The following TTC39C variants were observed in gnomAD, a reference collection of about 807,000 sequenced individuals.
The protein encoded by TTC39C is tetratricopeptide repeat domain 39C.
TTC39C carries 33 observed loss-of-function variants against 76.3 expected under a neutral mutation model. The ratio of observed to expected loss-of-function variants is 0.43; its 90% CI spans 0.33 to 0.58. The LOEUF is 0.58. Ranked by LOEUF, TTC39C falls within the 20% of genes least tolerant of loss-of-function variation. The pLI is 0.04. For synonymous variants in TTC39C, 254 were observed against 260.6 expected (o/e 0.97, Z 0.24); for missense variants, 595 against 701.4 (o/e 0.85, Z 1.71).
At chr18:23,995,014 C>T (rs1318643009) in intron 1 of TTC39C, among the ~76,000 whole-genome samples, 3 of 152,072 alleles carry the variant, frequency 2.0e-5, no homozygotes, top group Non-Finnish European at 2.9e-5. Context: ...CACTTTATCA[C>T]GTGTGTAGGT....
chr18:24,060,467 C>G, intron 1 of TTC39C, among the ~76,000 whole-genome samples: 1 of 151,848 alleles, frequency 6.6e-6, no homozygotes, highest in Admixed American at 6.6e-5. Context: ...ATAGGCATGC[C>G]CAGCTAATTT....
chr18:24,091,949 CAG>C lies in TTC39C; in HGVS notation c.984+8869_984+8870del, dbSNP rs1453225131. Reference sequence around the variant, plus strand: ...CTAAAAAAAAATGCAAAAAATTAGCCAGGTGTGGTAGCGGGCGCCTGTAGTCC... The same window carrying C: ...CTAAAAAAAAATGCAAAAAATTAGCCGTGTGGTAGCGGGCGCCTGTAGTCC... On this transcript the variant is annotated intron_variant, in intron 6 of 13. Coordinates refer to ENST00000317571, the MANE Select transcript of TTC39C (RefSeq NM_001135993.2). Among the ~76,000 whole-genome samples the C allele has an allele frequency of 3.5e-3, 536 of 151,514 alleles. 7 individuals carry two copies. Among genetic ancestry groups the C allele is most frequent in the African/African-American group, 0.012 (496 of 41,354 alleles).
intron 1 of TTC39C, among the ~76,000 whole-genome samples, chr18:24,007,828 CTT>C: frequency 6.6e-6 from 1 of 152,250 alleles, no homozygotes; most frequent in Admixed American, 6.5e-5. Flanking sequence ...ATTGCACAGA[CTT>C]TATTTTAGCT....
At chr18:24,012,169 C>CCCATTTTAAA (rs77518920), upstream of TTC39C, among the ~76,000 whole-genome samples, 455 of 151,778 alleles carry the variant, frequency 3.0e-3, 1 homozygote, top group South Asian at 7.3e-3. Context: ...GATTTGGAGG[C>CCCATTTTAAA]TCTTTTTGTA....
chr18:24,083,142 A>G (rs1873411553), intron 6 of TTC39C, 61 bp downstream of exon 6: 5 of 1,498,822 alleles, frequency 3.3e-6, no homozygotes, highest in African/African-American at 1.4e-5. Flanking sequence ...TCTGATTCTC[A>G]CTTGAGGACT....
intron 2 of TTC39C, 87 bp downstream of exon 2, chr18:24,064,275 A>C: frequency 6.8e-7 from 1 of 1,464,114 alleles, no homozygotes; most frequent in South Asian, 1.2e-5. Flanking sequence ...GTATAGATAC[A>C]CTATTGTAGA....
intron 1 of TTC39C, among the ~76,000 whole-genome samples, chr18:24,054,752 A>C (rs1364160900): frequency 6.6e-6 from 1 of 152,222 alleles, no homozygotes; most frequent in Non-Finnish European, 1.5e-5. Context: ...TAAAATATAC[A>C]TAACAAAATG....
intron 1 of TTC39C, among the ~76,000 whole-genome samples, chr18:24,020,698 A>G (rs1323987876): frequency 1.3e-5 from 2 of 152,226 alleles, no homozygotes; most frequent in African/African-American, 4.8e-5. Context: ...TGGTTAGGGA[A>G]TAGTGACAAG....
chr18:24,087,000 G>A (rs2084448119), intron 6 of TTC39C, among the ~76,000 whole-genome samples: 1 of 151,952 alleles, frequency 6.6e-6, no homozygotes, highest in Non-Finnish European at 1.5e-5. Flanking sequence ...TGGCAAAATT[G>A]GTTATGGGTG....
At chr18:24,121,795 C>T (rs963828979) in intron 8 of TTC39C, among the ~76,000 whole-genome samples, 1 of 152,192 alleles carries the variant, frequency 6.6e-6, no homozygotes, top group Non-Finnish European at 1.5e-5. Context: ...CATTGATTTA[C>T]TCTGTGACCT....
intron 1 of TTC39C, among the ~76,000 whole-genome samples, chr18:24,037,541 A>C (rs1312328182): frequency 1.3e-5 from 2 of 152,198 alleles, no homozygotes; most frequent in Non-Finnish European, 2.9e-5. Context: ...TGTCTGGCGT[A>C]TTGGAGAGTA....
intron 4 of TTC39C, among the ~76,000 whole-genome samples, chr18:24,071,531 A>T (rs1193616107): frequency 6.6e-6 from 1 of 152,104 alleles, no homozygotes; most frequent in East Asian, 1.9e-4. Context: ...TATTTCTCTA[A>T]TTTTTTGCAA....
chr18:24,020,215 G>C (rs748830363), intron 1 of TTC39C: 62 of 1,091,232 alleles, frequency 5.7e-5, no homozygotes, highest in Non-Finnish European at 6.5e-5. Flanking sequence ...TGGTGTGTTG[G>C]AAAAAGGCAT....
chr18:24,010,306 C>A (rs2083385259), upstream of TTC39C, among the ~76,000 whole-genome samples: 1 of 152,222 alleles, frequency 6.6e-6, no homozygotes, highest in Non-Finnish European at 1.5e-5. Flanking sequence ...CTGTGATTGG[C>A]TGAAACTCCG....
chr18:24,038,088 T>C (rs1315243464), intron 1 of TTC39C, among the ~76,000 whole-genome samples: 2 of 152,144 alleles, frequency 1.3e-5, no homozygotes, highest in African/African-American at 4.8e-5. Context: ...CAAAACCAAA[T>C]TCTGCAGAGG....
intron 6 of TTC39C, among the ~76,000 whole-genome samples, chr18:24,085,514 T>C (rs908997908): frequency 3.3e-5 from 5 of 152,212 alleles, no homozygotes; most frequent in African/African-American, 7.2e-5. Context: ...CTATAGAGGA[T>C]TGAGTGAATA....
intron 4 of TTC39C, among the ~76,000 whole-genome samples, chr18:24,071,209 G>T (rs1205856330): frequency 3.9e-5 from 6 of 152,158 alleles, no homozygotes; most frequent in Non-Finnish European, 4.4e-5. Context: ...TTACAGGTGT[G>T]AGCTGCCGTG....
At chr18:24,048,434 G>T (rs1440135555) in intron 1 of TTC39C, among the ~76,000 whole-genome samples, 1 of 152,150 alleles carries the variant, frequency 6.6e-6, no homozygotes, top group Non-Finnish European at 1.5e-5. Flanking sequence ...GTGTTTTTAT[G>T]CCCTGCCTTT....
intron 1 of TTC39C, 40 bp downstream of exon 1, chr18:24,015,078 C>G: frequency 7.3e-7 from 1 of 1,377,958 alleles, no homozygotes; most frequent in Admixed American, 3.4e-5. Context: ...CTGCAGCGCG[C>G]ACCTCGTGTC....
Sources: gnomAD v4.1 joint callset for allele counts (sites outside exome capture counted in the v4.1 genomes callset) on GRCh38, gnomAD v4.1.1 for gene constraint, MANE v1.5 for transcripts, NCBI Gene and HGNC (gene_info 2026-07-23, HGNC 2026-07-21) for gene names.